Variants in NWD1 observed in about 807,000 individuals in gnomAD.
NWD1 encodes NACHT and WD repeat domain containing 1, also known as NACHT domain- and WD repeat-containing protein 1.
NWD1 carries 129 observed loss-of-function variants against 135.1 expected under a neutral mutation model. The ratio of observed to expected loss-of-function variants is 0.96; its 90% CI spans 0.83 to 1.11. The LOEUF is 1.11. Ranked by LOEUF, NWD1 falls within the 50% of genes least tolerant of loss-of-function variation. The probability of loss-of-function intolerance (pLI) is 0.00; values close to 1 mark genes in which losing one functional copy is unlikely to be tolerated. For missense variants in NWD1, 1,740 were observed against 1,851.3 expected (o/e 0.94, Z 1.10); for synonymous variants, 773 against 786.0 (o/e 0.98, Z 0.28).
intron 2 of NWD1, among the ~76,000 whole-genome samples, chr19:16,726,515 C>T (rs1967334815): frequency 6.6e-6 from 1 of 152,050 alleles, no homozygotes; most frequent in Non-Finnish European, 1.5e-5. Flanking sequence ...TCTTAGTTCA[C>T]TGCAACCTCC....
intron 4 of NWD1, among the ~76,000 whole-genome samples, chr19:16,741,939 A>C (rs1371789757): frequency 2.0e-5 from 3 of 151,498 alleles, no homozygotes; most frequent in Admixed American, 6.6e-5. Context: ...GGTGAAACCC[A>C]GTCTCTACTA....
chr19:16,730,123 A>G (rs1967497142), intron 2 of NWD1, among the ~76,000 whole-genome samples: 1 of 151,766 alleles, frequency 6.6e-6, no homozygotes, highest in Non-Finnish European at 1.5e-5. Context: ...GGAGATTGAA[A>G]CCATCCTGGC....
chr19:16,775,646 G>A (rs1969572740), intron 11 of NWD1, among the ~76,000 whole-genome samples: 1 of 152,070 alleles, frequency 6.6e-6, no homozygotes. Context: ...AGGAAGCCTG[G>A]GAAATATGTT....
In NWD1 at chr19:16,749,131, T is replaced by C. The variant is rs756430741; in HGVS notation, c.497-8T>C. On this transcript the variant is annotated splice_region_variant and splice_polypyrimidine_tract_variant and intron_variant, in intron 5 of 18. Coordinates refer to ENST00000524140, the MANE Select transcript of NWD1 (RefSeq NM_001007525.5). ...CACACTTCCTTCCCACCTTCCCCAC[T>C]TTGGCAGTCATTGAGTGGGAGATAG... 3.8e-6 allele frequency: 6 copies of C among 1,581,726 alleles called. No individual in the cohort carries two copies. The East Asian group carries it at 6.8e-5, about 18-fold the overall frequency.
At chr19:16,808,212 C>A (rs1970816884) in intron 18 of NWD1, 76 bp downstream of exon 18, 1 of 1,369,542 alleles carries the variant, frequency 7.3e-7, no homozygotes, top group South Asian at 1.2e-5. Flanking sequence ...ATTTACTAAG[C>A]ACACACCATG....
At chr19:16,753,052 T>C (rs117342820) in intron 6 of NWD1, among the ~76,000 whole-genome samples, 216 of 152,298 alleles carry the variant, frequency 1.4e-3, no homozygotes, top group Non-Finnish European at 2.2e-3. Flanking sequence ...GGGTGGCCCA[T>C]TGGGCCATTC....
chr19:16,767,283 A>G (rs1293680701), intron 10 of NWD1, among the ~76,000 whole-genome samples: 1 of 143,612 alleles, frequency 7.0e-6, no homozygotes, highest in Non-Finnish European at 1.5e-5. Flanking sequence ...GGGTTCATGC[A>G]TGGCAGCAGG....
chr19:16,744,949 T>G (rs921166878), intron 5 of NWD1: 1 of 648,576 alleles, frequency 1.5e-6, no homozygotes, highest in Admixed American at 2.2e-5. Context: ...TGGCTCTTTC[T>G]TCTTGTCTCC....
At chr19:16,793,334 A>G (rs1172964993) in intron 14 of NWD1, among the ~76,000 whole-genome samples, 1 of 151,962 alleles carries the variant, frequency 6.6e-6, no homozygotes, top group African/African-American at 2.4e-5. Context: ...CCCGGGCTCA[A>G]GACGTCCTCT....
chr19:16,812,917 C>T lies in NWD1; in HGVS notation c.4288-2111C>T. 6.4e-6 allele frequency: 5 copies of T among 777,234 alleles called. No individual in the cohort carries two copies. In the East Asian group the frequency reaches 1.2e-4, roughly 19 times the overall value. The allele number at this position is 777,234 out of a possible 1,614,324, so 48.1% of individuals were successfully genotyped here. On this transcript the variant is annotated intron_variant, in intron 18 of 18. Coordinates refer to ENST00000524140, the MANE Select transcript of NWD1 (RefSeq NM_001007525.5). Reference sequence around the variant, plus strand: ...GGAGAGAAAAGGCTCTGACCTGGGTCCTGGGCATTAGAGGGCCCTGCTCTG... The same window carrying T: ...GGAGAGAAAAGGCTCTGACCTGGGTTCTGGGCATTAGAGGGCCCTGCTCTG...
At chr19:16,734,022 C>G (rs1469337034) in intron 3 of NWD1, among the ~76,000 whole-genome samples, 1 of 152,040 alleles carries the variant, frequency 6.6e-6, no homozygotes, top group Non-Finnish European at 1.5e-5. Context: ...TCCCTGTCAC[C>G]CCAGCCTTCC....
intron 12 of NWD1, among the ~76,000 whole-genome samples, chr19:16,785,033 C>G (rs1003380851): frequency 2.0e-5 from 3 of 151,500 alleles, no homozygotes; most frequent in African/African-American, 7.3e-5. Context: ...GACTAATCCA[C>G]AGAGACAGGA....
chr19:16,788,265 T>C (rs1374567682), intron 12 of NWD1, among the ~76,000 whole-genome samples: 2 of 128,514 alleles, frequency 1.6e-5, no homozygotes, highest in African/African-American at 7.7e-5. Context: ...ATAATAATAA[T>C]AATAATAATA....
chr19:16,815,427 T>C lies in NWD1; in HGVS notation c.*388T>C. 1 of 611,576 alleles carries C rather than the reference T, an allele frequency of 1.6e-6. No homozygotes were observed. 37.9% of individuals were successfully genotyped at this position (611,576 alleles called of 1,614,324 possible). A position where few individuals can be genotyped will look rare whatever the true frequency, so the allele number is the denominator to read the frequency against. On this transcript the variant is annotated 3_prime_UTR_variant, in exon 19 of 19. Coordinates refer to ENST00000524140, the MANE Select transcript of NWD1 (RefSeq NM_001007525.5). ...CAAAAAGAATACGTTTGCTGGTGTATATCTGGACCCATGGCTTCAGATTAT... is the reference window on the plus strand; with the variant it reads ...CAAAAAGAATACGTTTGCTGGTGTACATCTGGACCCATGGCTTCAGATTAT...
intron 12 of NWD1, among the ~76,000 whole-genome samples, chr19:16,786,309 T>C (rs566434431): frequency 5.3e-5 from 8 of 151,902 alleles, no homozygotes; most frequent in African/African-American, 1.7e-4. Context: ...GGCCCAGTCA[T>C]ATCCTTGTTC....
At chr19:16,758,848 A>G (rs1478724263) in intron 6 of NWD1, among the ~76,000 whole-genome samples, 2 of 151,968 alleles carry the variant, frequency 1.3e-5, no homozygotes, top group African/African-American at 2.4e-5. Context: ...TCTCTACTAA[A>G]AATGCAAAAA....
chr19:16,775,379 G>A (rs1969563505), intron 11 of NWD1, among the ~76,000 whole-genome samples: 1 of 152,008 alleles, frequency 6.6e-6, no homozygotes, highest in Non-Finnish European at 1.5e-5. Context: ...TCAAGCAAAA[G>A]CAGAGGCAAG....
chr19:16,745,388 A>G (rs563080475), intron 5 of NWD1, among the ~76,000 whole-genome samples: 1 of 152,076 alleles, frequency 6.6e-6, no homozygotes, highest in South Asian at 2.1e-4. Context: ...CTACCATCCC[A>G]GTTTGCCTGG....
In NWD1 at chr19:16,797,741, G is replaced by T. The variant is rs1398147593; in HGVS notation, c.3314G>T (p.Arg1105Ile). The change falls in exon 16 of 19, where the codon AGA (arginine) becomes ATA (isoleucine). Residue 1105 changes from arginine to isoleucine, a missense_variant. By Grantham distance (97) the Arg-to-Ile change is moderately conservative. Transcript: ENST00000524140. ...GTTCCTGCCGTTTCAGGCTTTGGAA[G>T]ATCGGTGCGGATATTCTTGGCGGAC... ...DESLLAAGFG[R>I]SVRIFLADSR... The T allele has an allele frequency of 1.2e-6, 2 of 1,613,846 alleles. No individual in the cohort carries two copies. The highest frequency in any genetic ancestry group is 1.7e-5 in the Admixed American group (1 of 59,970).
Sources: allele counts gnomAD v4.1 joint callset (sites outside exome capture counted in the v4.1 genomes callset), GRCh38; gene constraint gnomAD v4.1.1; transcripts MANE v1.5; gene names NCBI Gene and HGNC (gene_info 2026-07-23, HGNC 2026-07-21).